Variants in PCED1B observed in about 807,000 individuals in gnomAD.
PCED1B encodes the protein PC-esterase domain containing 1B, also known as PC-esterase domain-containing protein 1B.
For synonymous variants in PCED1B, 251 were observed against 246.1 expected, an observed-to-expected ratio of 1.02 and a Z score of -0.19; for missense variants, 573 against 573.9, an observed-to-expected ratio of 1.00 and a Z score of 0.02.
intron 3 of PCED1B, among the ~76,000 whole-genome samples, chr12:47,218,519 T>C (rs899291387): frequency 6.6e-6 from 1 of 152,230 alleles, no homozygotes; most frequent in Non-Finnish European, 1.5e-5. Flanking sequence ...TGTCTTGCTC[T>C]GTCATCCAGG....
At chr12:47,164,231 A>G (rs888104630) in intron 2 of PCED1B, among the ~76,000 whole-genome samples, 1 of 152,230 alleles carries the variant, frequency 6.6e-6, no homozygotes, top group African/African-American at 2.4e-5. Context: ...AATGTGCTCC[A>G]TCACCAAATC....
intron 1 of PCED1B, among the ~76,000 whole-genome samples, chr12:47,099,724 C>T (rs1938623625): frequency 6.6e-6 from 1 of 152,154 alleles, no homozygotes; most frequent in Admixed American, 6.5e-5. Flanking sequence ...ATTAGCTTTT[C>T]CTTAGTCCAG....
At chr12:47,166,417 A>G (rs1253147131) in intron 2 of PCED1B, among the ~76,000 whole-genome samples, 2 of 152,164 alleles carry the variant, frequency 1.3e-5, no homozygotes, top group Admixed American at 1.3e-4. Flanking sequence ...ACTAGCTTTA[A>G]CTGGCTTTGT....
chr12:47,220,584 AAGTGAGTGCTC>A (rs1943447745), intron 3 of PCED1B, among the ~76,000 whole-genome samples: 1 of 152,198 alleles, frequency 6.6e-6, no homozygotes, highest in Non-Finnish European at 1.5e-5. Context: ...GCCTGGCACA[AAGTGAGTGCTC>A]AGTGAGTGCC....
intron 2 of PCED1B, among the ~76,000 whole-genome samples, chr12:47,129,612 A>G (rs902853187): frequency 6.6e-6 from 1 of 152,010 alleles, no homozygotes; most frequent in African/African-American, 2.4e-5. Flanking sequence ...TTTTTTAAAG[A>G]AAAAAAAGAG....
intron 3 of PCED1B, among the ~76,000 whole-genome samples, chr12:47,217,470 G>GAGAAAGAAAGAA (rs200992609): frequency 0.017 from 1,587 of 90,830 alleles, 59 homozygotes; most frequent in East Asian, 0.027. Context: ...AAGAAAGAAA[G>GAGAAAGAAAGAA]AGAAAGAAAG....
chr12:47,159,670 C>A (rs1592218083), intron 2 of PCED1B, among the ~76,000 whole-genome samples: 1 of 152,044 alleles, frequency 6.6e-6, no homozygotes, highest in African/African-American at 2.4e-5. Context: ...CAAATATTTT[C>A]TCCCATTCTG....
intron 2 of PCED1B, among the ~76,000 whole-genome samples, chr12:47,109,922 G>A (rs974755263): frequency 1.3e-5 from 2 of 152,176 alleles, no homozygotes; most frequent in Non-Finnish European, 2.9e-5. Context: ...GGTATCCCTT[G>A]TAGTAAACAC....
chr12:47,225,727 G>T (rs778348061), intron 3 of PCED1B, among the ~76,000 whole-genome samples: 3 of 152,124 alleles, frequency 2.0e-5, no homozygotes, highest in Non-Finnish European at 4.4e-5. Context: ...ATTGTATTAA[G>T]ATAGTCATAT....
At chr12:47,118,349 T>TGTAGTTAA (rs1939523750) in intron 2 of PCED1B, among the ~76,000 whole-genome samples, 1 of 152,232 alleles carries the variant, frequency 6.6e-6, no homozygotes, top group Non-Finnish European at 1.5e-5. Flanking sequence ...CTTTAATCCA[T>TGTAGTTAA]CTTGAACTAA....
intron 3 of PCED1B, among the ~76,000 whole-genome samples, chr12:47,216,951 C>G (rs977648767): frequency 6.6e-6 from 1 of 152,092 alleles, no homozygotes; most frequent in African/African-American, 2.4e-5. Flanking sequence ...GGAGAAGGGA[C>G]GTGAGGCATC....
rs909992458 is a variant in PCED1B, at chr12:47,216,566, T to C, written c.-181T>C. 2.6e-5 allele frequency: 4 copies of C among 152,178 alleles called. No homozygotes were observed. Among genetic ancestry groups the C allele is most frequent in the Non-Finnish European group, 4.4e-5 (3 of 68,042 alleles). 9.4% of individuals were successfully genotyped at this position (152,178 alleles called of 1,614,324 possible). A position where few individuals can be genotyped will look rare whatever the true frequency, so the allele number is the denominator to read the frequency against. ...CCCAGAGGCTAACCTATTTCCCCTA[T>C]AGCCCAAGCTCTGAGATCTCCCGTC... On this transcript the variant is annotated 5_prime_UTR_variant, in exon 3 of 4. Transcript: ENST00000546455.
At chr12:47,098,800 CAA>C (rs1938584970) in intron 1 of PCED1B, among the ~76,000 whole-genome samples, 1 of 152,022 alleles carries the variant, frequency 6.6e-6, no homozygotes. Context: ...TTTTTAAAAG[CAA>C]AGAGACTCAA....
chr12:47,126,996 G>C (rs1417515796), intron 2 of PCED1B, among the ~76,000 whole-genome samples: 1 of 152,004 alleles, frequency 6.6e-6, no homozygotes, highest in African/African-American at 2.4e-5. Flanking sequence ...TCAGTTTTCT[G>C]TTTCACGCAT....
At position 47,096,716 on chromosome 12, in the gene PCED1B, A is replaced by G. The variant is rs114001135; in HGVS notation, c.-608-7397A>G. On this transcript the variant is annotated intron_variant, in intron 1 of 3. Coordinates refer to ENST00000546455, the MANE Select transcript of PCED1B (RefSeq NM_138371.3). ...ACTTTTCGTTAAAAGGATATTACAG[A>G]TATTACTTGCTTTGTTTAATAATTA... 5.5e-3 allele frequency among the ~76,000 whole-genome samples: 833 copies of G among 152,306 alleles called. 7 individuals are homozygous for G. The highest frequency in any genetic ancestry group is 0.018 in the African/African-American group (747 of 41,570).
Position 47,133,663 on chromosome 12 carries a change from A to G in PCED1B, c.-526+29468A>G, listed in dbSNP as rs867294389. Among the ~76,000 whole-genome samples, 8 of 152,336 alleles carry G rather than the reference A, an allele frequency of 5.3e-5. No homozygotes were observed. The Middle Eastern group carries it at 0.01, about 194-fold the overall frequency. On this transcript the variant is annotated intron_variant, in intron 2 of 3. Transcript: ENST00000546455. ...TAATATCACAGTATGAGCAAAAATT[A>G]TACCCAGATATATTACTTGTCAGGG...
intron 2 of PCED1B, among the ~76,000 whole-genome samples, chr12:47,130,654 A>G (rs1431712151): frequency 6.6e-6 from 1 of 152,160 alleles, no homozygotes; most frequent in East Asian, 1.9e-4. Context: ...ATGCTACCCT[A>G]CTCCAACCTG....
intron 2 of PCED1B, among the ~76,000 whole-genome samples, chr12:47,194,985 AG>A (rs1184298756): frequency 6.8e-6 from 1 of 147,086 alleles, no homozygotes; most frequent in African/African-American, 2.7e-5. Context: ...TTCTTGTATG[AG>A]AGGGGGGAAG....
chr12:47,235,371 A>G lies in PCED1B; in HGVS notation c.308A>G (p.Gln103Arg), dbSNP rs763219961. 3 of 1,614,076 alleles carry G rather than the reference A, an allele frequency of 1.9e-6. No individual in the cohort carries two copies. In the Admixed American group the frequency reaches 5.0e-5, roughly 27 times the overall value. Residue 103 changes from glutamine (Q) to arginine (R), a missense_variant, in exon 4 of 4, where the codon CAG (glutamine) becomes CGG (arginine). Gln to Arg is a conservative substitution (Grantham distance 43). Coordinates refer to ENST00000546455, the MANE Select transcript of PCED1B (RefSeq NM_138371.3). ...ACCCGCGTGTACTCCGATTACCTCCAGACCATCTTGAAAGAGCTGCAGTCG... is the reference window on the plus strand; with the variant it reads ...ACCCGCGTGTACTCCGATTACCTCCGGACCATCTTGAAAGAGCTGCAGTCG... The part of the protein sequence containing the change: ...FLTRVYSDYL[Q>R]TILKELQSGE...
Sources: gnomAD v4.1 joint callset for allele counts (sites outside exome capture counted in the v4.1 genomes callset) on GRCh38, gnomAD v4.1.1 for gene constraint, MANE v1.5 for transcripts, NCBI Gene and HGNC (gene_info 2026-07-23, HGNC 2026-07-21) for gene names.